Variants in MCMBP observed in about 807,000 individuals in gnomAD.
MCMBP encodes the protein mini-chromosome maintenance complex-binding protein.
MCMBP carries 31 observed loss-of-function variants against 81.3 expected under a neutral mutation model. The observed-to-expected ratio is 0.38, with a 90% CI of 0.29 to 0.51. The LOEUF is 0.51. MCMBP is among the 20% of genes least tolerant of loss of function. The pLI, the probability that MCMBP is intolerant of heterozygous loss-of-function variation, is 0.87. For missense variants in MCMBP, 645 were observed against 772.1 expected, an observed-to-expected ratio of 0.84 and a Z score of 1.95; for synonymous variants, 267 against 275.9, an observed-to-expected ratio of 0.97 and a Z score of 0.32.
chr10:119,832,903 T>C (rs563918828), intron 14 of MCMBP, among the ~76,000 whole-genome samples: 154 of 152,256 alleles, frequency 1.0e-3, no homozygotes, highest in African/African-American at 3.3e-3. Context: ...GACATGTCTG[T>C]AGAGGGCTCT....
intron 1 of MCMBP, among the ~76,000 whole-genome samples, chr10:119,869,731 CAAAAACAAA>C (rs1853600202): frequency 6.6e-6 from 1 of 151,934 alleles, no homozygotes; most frequent in Admixed American, 6.6e-5. Context: ...AACTCCATCT[CAAAAACAAA>C]AAAAGCAAAA....
chr10:119,836,792 TTTAC>T, intron 13 of MCMBP, 100 bp downstream of exon 13: 3 of 265,258 alleles, frequency 1.1e-5, no homozygotes, highest in Non-Finnish European at 1.3e-5. Flanking sequence ...TTTTTTTTTT[TTTAC>T]AACAAATGTA....
At chr10:119,848,567 C>T (rs1322886887) in intron 7 of MCMBP, among the ~76,000 whole-genome samples, 1 of 152,002 alleles carries the variant, frequency 6.6e-6, no homozygotes, top group Non-Finnish European at 1.5e-5. Context: ...GAGCCGAGAT[C>T]GTGCCACTGC....
intron 15 of MCMBP, among the ~76,000 whole-genome samples, 168 bp from the exon 16 acceptor site, chr10:119,831,768 C>T (rs558611979): frequency 1.8e-4 from 27 of 152,282 alleles, no homozygotes; most frequent in Admixed American, 9.2e-4. Context: ...AAAAAGAAAT[C>T]GTTGAAGAGT....
Position 119,857,416 on chromosome 10 carries a change from G to A in MCMBP, c.351C>T (p.Asn117=), listed in dbSNP as rs1056165604. The change falls in exon 5 of 16, where the codon AAC becomes AAT. Residue 117 remains asparagine, a synonymous_variant. Coordinates refer to ENST00000369077, the MANE Select transcript of MCMBP (RefSeq NM_001256378.2). ...TTTCCAAAGTGGTATTTCGTGGAGA[G>A]TTTAAATCAAGTTCTTGTTGAGGCT... ...ECGPQQELDL[N]SPRNTTLERQ... 6.2e-7 allele frequency: 1 copy of A among 1,608,628 alleles called. No homozygotes were observed. The highest frequency in any genetic ancestry group is 8.5e-7 in the Non-Finnish European group (1 of 1,176,556).
rs1423458898 is a variant in MCMBP at position 119,830,940 on chromosome 10, A to G, written c.*534T>C. The G allele has an allele frequency of 2.0e-5, 3 of 152,440 alleles. No individual in the cohort carries two copies. Among genetic ancestry groups the G allele is most frequent in the African/African-American group, 7.2e-5 (3 of 41,444 alleles). 9.4% of individuals were successfully genotyped at this position (152,440 alleles called of 1,614,324 possible). A position where few individuals can be genotyped will look rare whatever the true frequency, so the allele number is the denominator to read the frequency against. On this transcript the variant is annotated 3_prime_UTR_variant, in exon 16 of 16. Coordinates refer to ENST00000369077, the MANE Select transcript of MCMBP (RefSeq NM_001256378.2). Reference sequence around the variant, plus strand: ...TAAGTGGGAAAAAGTTTCTGTGGCCAAACATCTGGGAAATGACAGTACAGA... The same window carrying G: ...TAAGTGGGAAAAAGTTTCTGTGGCCGAACATCTGGGAAATGACAGTACAGA...
Position 119,858,941 on chromosome 10 carries a change from T to C in MCMBP, c.286-16A>G, listed in dbSNP as rs879023786. ...AATGAAGAACCTATGACCCCAAACATAGAAAAACAGAATTATATCAATATA... is the reference window on the plus strand; with the variant it reads ...AATGAAGAACCTATGACCCCAAACACAGAAAAACAGAATTATATCAATATA... On this transcript the variant is annotated splice_polypyrimidine_tract_variant and intron_variant, in intron 3 of 15. Transcript: ENST00000369077. 1 of 1,612,002 alleles carries C rather than the reference T, an allele frequency of 6.2e-7. No homozygotes were observed. The highest frequency in any genetic ancestry group is 8.5e-7 in the Non-Finnish European group (1 of 1,179,050).
chr10:119,836,848 T>A (rs1852265769), intron 13 of MCMBP, 48 bp downstream of exon 13: 5 of 1,414,560 alleles, frequency 3.5e-6, no homozygotes, highest in Non-Finnish European at 3.8e-6. Flanking sequence ...AAAATGTAGG[T>A]ATTTTTCCAA....
chr10:119,849,437 T>C lies in MCMBP; in HGVS notation c.714A>G (p.Ala238=). Residue 238 remains alanine (A), a synonymous_variant, in exon 7 of 16, where the codon GCA becomes GCG. Coordinates refer to ENST00000369077, the MANE Select transcript of MCMBP (RefSeq NM_001256378.2). ...NFPLPGEKGP[A]CLVKVYEDWD... ...AAGGTTTTATTACCTTCACAAGGCA[T>C]GCAGGGCCCTTCTCTCCTGGCAATG... 6.2e-6 allele frequency: 10 copies of C among 1,610,252 alleles called. No individual in the cohort carries two copies. The highest frequency in any genetic ancestry group is 8.5e-6 in the Non-Finnish European group (10 of 1,178,884).
At chr10:119,831,777 G>T (rs368394390) in intron 15 of MCMBP, among the ~76,000 whole-genome samples, 177 bp from the exon 16 acceptor site, 1 of 152,202 alleles carries the variant, frequency 6.6e-6, no homozygotes, top group South Asian at 2.1e-4. Flanking sequence ...TCGTTGAAGA[G>T]TCAGAATTGG....
At position 119,872,602 on chromosome 10, in the gene MCMBP, C is replaced by A; in HGVS notation, c.-18G>T. 1 of 1,164,290 alleles carries A rather than the reference C, an allele frequency of 8.6e-7. No individual in the cohort carries two copies. The allele number at this position is 1,164,290 out of a possible 1,614,324, so 72.1% of individuals were successfully genotyped here. A position where few individuals can be genotyped will look rare whatever the true frequency, so the allele number is the denominator to read the frequency against. ...CACGGCATCTCGCCAGGGGCCGGGG[C>A]CGGCGAAGACCGGGCGGAGGCGATC... On this transcript the variant is annotated 5_prime_UTR_variant, in exon 1 of 16. Transcript: ENST00000369077.
intron 1 of MCMBP, among the ~76,000 whole-genome samples, chr10:119,871,339 G>A (rs1482409575): frequency 6.6e-6 from 1 of 150,752 alleles, no homozygotes; most frequent in Non-Finnish European, 1.5e-5. Context: ...CTGCTATATA[G>A]TGAATTTTTT....
chr10:119,859,002 A>G, intron 3 of MCMBP, 39 bp downstream of exon 3: 1 of 1,611,692 alleles, frequency 6.2e-7, no homozygotes, highest in East Asian at 2.2e-5. Flanking sequence ...TAAAAGGACA[A>G]AATTAATACC....
At chr10:119,843,581 G>A (rs566999066) in intron 8 of MCMBP, among the ~76,000 whole-genome samples, 155 bp from the exon 9 acceptor site, 2 of 152,208 alleles carry the variant, frequency 1.3e-5, no homozygotes, top group African/African-American at 4.8e-5. Flanking sequence ...TCATTCTAAA[G>A]TGTTACATCA....
chr10:119,850,747 TAA>T (rs367627623), intron 6 of MCMBP, among the ~76,000 whole-genome samples: 2 of 118,054 alleles, frequency 1.7e-5, no homozygotes, highest in Non-Finnish European at 1.7e-5. Flanking sequence ...AGACTCCGTC[TAA>T]AAAAAAAAAA....
chr10:119,846,417 A>C (rs1306134501), intron 8 of MCMBP, among the ~76,000 whole-genome samples: 1 of 152,234 alleles, frequency 6.6e-6, no homozygotes, highest in East Asian at 1.9e-4. Flanking sequence ...AATTGCCAAC[A>C]AAGTAATAAC....
chr10:119,860,539 A>G (rs930871166), intron 1 of MCMBP, among the ~76,000 whole-genome samples: 1 of 152,098 alleles, frequency 6.6e-6, no homozygotes, highest in Non-Finnish European at 1.5e-5. Flanking sequence ...TATTTAATCT[A>G]CCATCTATAT....
chr10:119,836,757 GTTTTTTTTTTTTTTTTTTTTTT>G (rs199759464), intron 13 of MCMBP, 117 bp downstream of exon 13: 3,491 of 296,482 alleles, frequency 0.012, 47 homozygotes, highest in South Asian at 0.041. Context: ...AGCAGTCACA[GTTTTTTTTTTTTTTTTTTTTTT>G]TTTTTTTTTT....
Position 119,838,666 on chromosome 10 carries a change from T to C in MCMBP, c.1277A>G (p.Asn426Ser), listed in dbSNP as rs1281322886. The stretch of plus-strand genomic sequence containing the variant: ...TTTGTGGGGAATGAATTTCAAATGG[T>C]TCATGTTCTCTATAGTCATCTGCAG... ...FRLQMTIENM[N>S]HLKFIPHKDY... The change falls in exon 12 of 16, where the codon AAC becomes AGC. Residue 426 changes from asparagine (N) to serine (S), a missense_variant. Asn to Ser is a conservative substitution (Grantham distance 46). Coordinates refer to ENST00000369077, the MANE Select transcript of MCMBP (RefSeq NM_001256378.2). 6.2e-7 allele frequency: 1 copy of C among 1,613,910 alleles called. No individual in the cohort carries two copies. Among genetic ancestry groups the C allele is most frequent in the Non-Finnish European group, 8.5e-7 (1 of 1,179,864 alleles).
Sources: allele counts gnomAD v4.1 joint callset (sites outside exome capture counted in the v4.1 genomes callset), GRCh38; gene constraint gnomAD v4.1.1; transcripts MANE v1.5; gene names NCBI Gene and HGNC (gene_info 2026-07-23, HGNC 2026-07-21).